Variants in SLC9A4 observed in about 807,000 individuals in gnomAD.
SLC9A4 encodes the protein sodium/hydrogen exchanger 4.
A neutral mutation model predicts 67.4 loss-of-function variants in SLC9A4; 63 were observed. The ratio of observed to expected loss-of-function variants is 0.93; its 90% CI spans 0.76 to 1.15. SLC9A4 has a LOEUF of 1.15. Among genes scored for constraint, SLC9A4 ranks in the 50% most tolerant of loss-of-function variants. The probability of loss-of-function intolerance (pLI) is 0.00; values close to 1 mark genes in which losing one functional copy is unlikely to be tolerated. For missense variants in SLC9A4, 1,089 were observed against 987.7 expected (o/e 1.10, Z -1.38); for synonymous variants, 393 against 367.2 (o/e 1.07, Z -0.80).
intron 8 of SLC9A4, among the ~76,000 whole-genome samples, chr2:102,519,170 G>A (rs780489028): frequency 1.2e-4 from 19 of 152,156 alleles, no homozygotes; most frequent in African/African-American, 4.1e-4. Flanking sequence ...TTTCAGAGGT[G>A]GGAAGGGGTC....
chr2:102,512,029 A>G (rs989739783), intron 6 of SLC9A4, among the ~76,000 whole-genome samples, 174 bp from the exon 7 acceptor site: 9 of 152,206 alleles, frequency 5.9e-5, no homozygotes, highest in Middle Eastern at 3.2e-3. Context: ...TGAAATTACT[A>G]TGAAATTACT....
chr2:102,507,834 C>A (rs927107683), intron 4 of SLC9A4, among the ~76,000 whole-genome samples: 1 of 152,120 alleles, frequency 6.6e-6, no homozygotes, highest in Non-Finnish European at 1.5e-5. Flanking sequence ...CACATAAATG[C>A]AGGCACATAC....
Position 102,532,942 on chromosome 2 carries a change from A to G in SLC9A4, c.*254A>G, listed in dbSNP as rs1558677628. On this transcript the variant is annotated 3_prime_UTR_variant, in exon 12 of 12. Transcript: ENST00000295269. ...AGAGAAGTTGATCACCCCAGGAATT[A>G]GTCACTAAGAATTCCTAAGAACTTT... is the stretch of plus-strand genomic sequence containing the variant. 8.3e-6 allele frequency: 3 copies of G among 360,236 alleles called. No individual in the cohort carries two copies. The highest frequency in any genetic ancestry group is 1.5e-5 in the Non-Finnish European group (3 of 197,722). 22.3% of individuals were successfully genotyped at this position (360,236 alleles called of 1,614,324 possible).
chr2:102,503,895 T>A (rs1684996532), intron 3 of SLC9A4, among the ~76,000 whole-genome samples, 188 bp downstream of exon 3: 1 of 152,172 alleles, frequency 6.6e-6, no homozygotes, highest in Non-Finnish European at 1.5e-5. Context: ...TTCTCTCCAA[T>A]GCCTGCCTTC....
intron 5 of SLC9A4, among the ~76,000 whole-genome samples, chr2:102,508,591 G>A (rs1234482377): frequency 6.6e-6 from 1 of 152,168 alleles, no homozygotes; most frequent in African/African-American, 2.4e-5. Context: ...GTTGGAGTTA[G>A]CTCTTAATGA....
intron 10 of SLC9A4, 84 bp downstream of exon 10, chr2:102,525,239 C>G: frequency 1.3e-6 from 2 of 1,567,626 alleles, no homozygotes; most frequent in Non-Finnish European, 1.7e-6. Flanking sequence ...CAGGATCTCA[C>G]ATGCATGACC....
intron 2 of SLC9A4, among the ~76,000 whole-genome samples, chr2:102,485,282 T>C (rs767891720): frequency 4.2e-4 from 64 of 152,316 alleles, no homozygotes; most frequent in Non-Finnish European, 6.9e-4. Flanking sequence ...TGCAGCTCAG[T>C]ATCCCAGAGA....
At chr2:102,498,527 A>G (rs1323177729) in intron 2 of SLC9A4, among the ~76,000 whole-genome samples, 1 of 152,246 alleles carries the variant, frequency 6.6e-6, no homozygotes, top group African/African-American at 2.4e-5. Flanking sequence ...TCAAATAAAC[A>G]GGTTCCACTT....
chr2:102,515,390 TTTGTATTATACTGAGATAATCCCTGAGGA>T (rs1685255981), intron 8 of SLC9A4, among the ~76,000 whole-genome samples: 2 of 148,612 alleles, frequency 1.3e-5, no homozygotes, highest in African/African-American at 4.9e-5. Flanking sequence ...GGCAGAAAGC[TTTGTATTATACTGAGATAATCCCTGAGGA>T]TATCTCAGTA....
chr2:102,474,531 T>G (rs1684287772), intron 1 of SLC9A4, among the ~76,000 whole-genome samples: 1 of 152,128 alleles, frequency 6.6e-6, no homozygotes, highest in Non-Finnish European at 1.5e-5. Context: ...TATTACTCAG[T>G]GATGGGATGT....
rs998696892 is a variant in SLC9A4, at chr2:102,532,866, C to T, written c.*178C>T. On this transcript the variant is annotated 3_prime_UTR_variant, in exon 12 of 12. Transcript: ENST00000295269. ...CAAGGACTGGGAGCAAACTTGCAGG[C>T]TCTGCCATGTACTTATTGTGGGGTA... is the stretch of plus-strand genomic sequence containing the variant. 1.5e-5 allele frequency: 9 copies of T among 617,672 alleles called. No homozygotes were observed. The highest frequency in any genetic ancestry group is 9.2e-5 in the African/African-American group (5 of 54,130). 38.3% of individuals were successfully genotyped at this position (617,672 alleles called of 1,614,324 possible).
At chr2:102,493,975 A>C (rs756921553) in intron 2 of SLC9A4, among the ~76,000 whole-genome samples, 132 of 151,886 alleles carry the variant, frequency 8.7e-4, no homozygotes, top group Non-Finnish European at 1.6e-3. Context: ...TGTTAAAAGT[A>C]ATGTAGTCAA....
intron 2 of SLC9A4, among the ~76,000 whole-genome samples, chr2:102,483,433 C>T (rs556021301): frequency 2.5e-4 from 38 of 152,266 alleles, no homozygotes; most frequent in Non-Finnish European, 4.6e-4. Flanking sequence ...CATGCCTTTT[C>T]GGCAAGGAGG....
intron 2 of SLC9A4, among the ~76,000 whole-genome samples, chr2:102,483,265 T>C (rs1444973487): frequency 6.6e-6 from 1 of 152,176 alleles, no homozygotes; most frequent in Non-Finnish European, 1.5e-5. Flanking sequence ...CTGGCACTGC[T>C]GGGTCCCTAA....
At chr2:102,488,032 A>G (rs971274849) in intron 2 of SLC9A4, among the ~76,000 whole-genome samples, 7 of 152,128 alleles carry the variant, frequency 4.6e-5, no homozygotes, top group African/African-American at 9.7e-5. Context: ...CTTGTTCTGT[A>G]TTTTATTAGA....
intron 6 of SLC9A4, among the ~76,000 whole-genome samples, chr2:102,509,723 T>A (rs959080121): frequency 6.6e-5 from 10 of 152,214 alleles, no homozygotes; most frequent in Non-Finnish European, 1.5e-4. Flanking sequence ...TATAATCTAT[T>A]CTGAGGCTCA....
chr2:102,496,047 GA>G (rs1476163521), intron 2 of SLC9A4, among the ~76,000 whole-genome samples: 9 of 151,322 alleles, frequency 5.9e-5, no homozygotes, highest in East Asian at 1.9e-4. Context: ...TTTATCAAAA[GA>G]AAAAAAATGC....
In SLC9A4 at chr2:102,533,489, T is replaced by TTGC. The variant is rs900635742; in HGVS notation, c.*802_*803insGCT. The TTGC allele has an allele frequency of 6.9e-6, 1 of 145,100 alleles. No homozygotes were observed. Among genetic ancestry groups the TTGC allele is most frequent in the African/African-American group, 2.7e-5 (1 of 36,418 alleles). The allele number at this position is 145,100 out of a possible 1,614,324, so 9.0% of individuals were successfully genotyped here. A position where few individuals can be genotyped will look rare whatever the true frequency, so the allele number is the denominator to read the frequency against. ...AGGGTATAAAACTATTTTTCTTTTA[T>TTGC]TATTATTATTATTATTATTATACTT... On this transcript the variant is annotated 3_prime_UTR_variant, in exon 12 of 12. Coordinates refer to ENST00000295269, the MANE Select transcript of SLC9A4 (RefSeq NM_001011552.4).
chr2:102,532,624 C>T lies in SLC9A4; in HGVS notation c.2333C>T (p.Thr778Ile), dbSNP rs763385863. Residue 778 changes from threonine (T) to isoleucine (I), a missense_variant, in exon 12 of 12, where the codon ACA (threonine) becomes ATA (isoleucine). Thr to Ile is a moderately conservative substitution (Grantham distance 89). Transcript: ENST00000295269. Reference sequence around the variant, plus strand: ...TTGGTTGAGGTTCGGTCGAGGTGGACAGCTGACCATGGACACGGCAGGGAC... The same window carrying T: ...TTGGTTGAGGTTCGGTCGAGGTGGATAGCTGACCATGGACACGGCAGGGAC... ...ASLVEVRSRW[T>I]ADHGHGRDHH... is the part of the protein sequence containing the mutation. The T allele has an allele frequency of 1.2e-6, 2 of 1,613,874 alleles. No homozygotes were observed. The highest frequency in any genetic ancestry group is 2.2e-5 in the South Asian group (2 of 91,068).
Sources: gnomAD v4.1 joint callset for allele counts (sites outside exome capture counted in the v4.1 genomes callset) on GRCh38, gnomAD v4.1.1 for gene constraint, MANE v1.5 for transcripts, NCBI Gene and HGNC (gene_info 2026-07-23, HGNC 2026-07-21) for gene names.